Variants in DTD1 observed in about 807,000 individuals in gnomAD.
DTD1 encodes D-tyrosyl-tRNA deacylase 1 homolog.
In DTD1, 13 loss-of-function variants were observed where a neutral mutation model predicts 25.6. That is an observed-to-expected ratio of 0.51 (90% confidence interval 0.33 to 0.81). The LOEUF (loss-of-function observed/expected upper bound fraction) is 0.81, where lower values mean the gene tolerates loss of function less well. Ranked by LOEUF, DTD1 falls within the 30% of genes least tolerant of loss-of-function variation. The pLI, the probability that DTD1 is intolerant of heterozygous loss-of-function variation, is 0.02. For missense variants in DTD1, 193 were observed against 266.4 expected (o/e 0.72, Z 1.92); for synonymous variants, 110 against 103.6 (o/e 1.06, Z -0.37).
chr20:18,646,153 A>G (rs1320672522), intron 4 of DTD1, among the ~76,000 whole-genome samples: 1 of 152,204 alleles, frequency 6.6e-6, no homozygotes, highest in East Asian at 1.9e-4. Flanking sequence ...GGCATGGCAC[A>G]CCTTCACTAT....
intron 5 of DTD1, among the ~76,000 whole-genome samples, chr20:18,762,382 T>C (rs935082708): frequency 5.9e-5 from 9 of 152,228 alleles, no homozygotes; most frequent in Non-Finnish European, 1.0e-4. Flanking sequence ...AGCTGGTTTT[T>C]GTTATAGCCT....
intron 4 of DTD1, among the ~76,000 whole-genome samples, chr20:18,692,689 C>T (rs1039926597): frequency 6.6e-6 from 1 of 152,174 alleles, no homozygotes; most frequent in African/African-American, 2.4e-5. Context: ...AGGCTCTGAA[C>T]CTTGGCTCCT....
chr20:18,631,902 T>G (rs556804348), intron 4 of DTD1: 1 of 984,622 alleles, frequency 1.0e-6, no homozygotes, highest in East Asian at 1.1e-4. Context: ...TTTCAACCAG[T>G]ACCCTCTTCT....
Position 18,683,728 on chromosome 20 carries a change from G to C in DTD1, c.477+55495G>C, listed in dbSNP as rs541992185. Among the ~76,000 whole-genome samples the C allele has an allele frequency of 2.6e-5, 4 of 152,306 alleles. No individual in the cohort carries two copies. In the East Asian group the frequency reaches 7.7e-4, roughly 29 times the overall value. ...TCCCATTCAACTGTGACCTTCTTTG[G>C]GGGTAGTTTTATGGTTAGGAACTAG... On this transcript the variant is annotated intron_variant, in intron 4 of 5. Transcript: ENST00000377452.
chr20:18,643,888 G>A (rs1182412094), intron 4 of DTD1, among the ~76,000 whole-genome samples: 1 of 152,128 alleles, frequency 6.6e-6, no homozygotes, highest in Admixed American at 6.5e-5. Context: ...ACATGCACTT[G>A]TATGTGCACA....
chr20:18,740,138 G>A (rs1306575111), intron 4 of DTD1, among the ~76,000 whole-genome samples: 1 of 152,036 alleles, frequency 6.6e-6, no homozygotes, highest in African/African-American at 2.4e-5. Flanking sequence ...GCCTCCAGAG[G>A]GCTGTGCTAA....
chr20:18,686,950 C>T (rs189987806), intron 4 of DTD1, among the ~76,000 whole-genome samples: 1 of 152,166 alleles, frequency 6.6e-6, no homozygotes, highest in East Asian at 1.9e-4. Flanking sequence ...TTGTGCCAGG[C>T]ACTGTCTAGA....
intron 4 of DTD1, among the ~76,000 whole-genome samples, chr20:18,712,455 A>G (rs2061163172): frequency 6.6e-6 from 1 of 152,168 alleles, no homozygotes; most frequent in South Asian, 2.1e-4. Context: ...ATCAGATGTC[A>G]GCAAGACTGT....
At chr20:18,679,736 C>T (rs1424112937) in intron 4 of DTD1, among the ~76,000 whole-genome samples, 1 of 152,184 alleles carries the variant, frequency 6.6e-6, no homozygotes, top group Non-Finnish European at 1.5e-5. Flanking sequence ...ATTAAAGAGA[C>T]ATGAATTAAT....
intron 1 of DTD1, among the ~76,000 whole-genome samples, chr20:18,589,573 A>T (rs960740858): frequency 2.0e-5 from 3 of 152,194 alleles, no homozygotes; most frequent in African/African-American, 7.2e-5. Flanking sequence ...TAGGAATTTT[A>T]AAGCTTTTAT....
chr20:18,666,321 T>C (rs1243844061), intron 4 of DTD1, among the ~76,000 whole-genome samples: 2 of 152,226 alleles, frequency 1.3e-5, no homozygotes, highest in Admixed American at 6.5e-5. Context: ...GTTAATGTAA[T>C]GTTGGCCAGG....
chr20:18,708,402 C>A (rs2061144563), intron 4 of DTD1, among the ~76,000 whole-genome samples: 1 of 134,224 alleles, frequency 7.5e-6, no homozygotes, highest in Non-Finnish European at 1.5e-5. Flanking sequence ...GTCGCCCAGG[C>A]TGGAGTACAG....
chr20:18,699,153 C>T (rs1483702230), intron 4 of DTD1, among the ~76,000 whole-genome samples: 2 of 152,178 alleles, frequency 1.3e-5, no homozygotes, highest in Non-Finnish European at 2.9e-5. Flanking sequence ...CTTAGGGGCT[C>T]TTATTTAATA....
intron 4 of DTD1, among the ~76,000 whole-genome samples, chr20:18,636,637 T>C (rs372718841): frequency 6.6e-6 from 1 of 152,060 alleles, no homozygotes; most frequent in Non-Finnish European, 1.5e-5. Context: ...GGGGTGTGAG[T>C]TGGATCAAGT....
At chr20:18,723,665 GAATT>G (rs756247049) in intron 4 of DTD1, among the ~76,000 whole-genome samples, 1 of 152,190 alleles carries the variant, frequency 6.6e-6, no homozygotes, top group Non-Finnish European at 1.5e-5. Context: ...GTCTGTTTGA[GAATT>G]ATTTAATAAC....
At chr20:18,608,301 GT>G (rs1183355972) in intron 3 of DTD1, among the ~76,000 whole-genome samples, 1 of 146,382 alleles carries the variant, frequency 6.8e-6, no homozygotes, top group Non-Finnish European at 1.5e-5. Flanking sequence ...TGACTTTATT[GT>G]TTCAAAGAGC....
chr20:18,681,591 G>A (rs901831684), intron 4 of DTD1, among the ~76,000 whole-genome samples: 4 of 152,218 alleles, frequency 2.6e-5, no homozygotes, highest in African/African-American at 9.6e-5. Flanking sequence ...CAGAAAGCAT[G>A]TAAGCAGGAA....
intron 4 of DTD1, among the ~76,000 whole-genome samples, chr20:18,664,783 G>T (rs144913935): frequency 1.4e-4 from 22 of 152,310 alleles, no homozygotes; most frequent in African/African-American, 4.8e-4. Context: ...TGTGAGGCAA[G>T]GGTGTGTGGC....
chr20:18,608,419 A>G (rs1449855190), intron 3 of DTD1, among the ~76,000 whole-genome samples: 3 of 150,322 alleles, frequency 2.0e-5, no homozygotes, highest in African/African-American at 4.9e-5. Context: ...TATTGTTCCA[A>G]TTTTAGTATA....
Sources: gnomAD v4.1 joint callset for allele counts (sites outside exome capture counted in the v4.1 genomes callset) on GRCh38, gnomAD v4.1.1 for gene constraint, MANE v1.5 for transcripts, NCBI Gene and HGNC (gene_info 2026-07-23, HGNC 2026-07-21) for gene names.